NEDD4: variants seen among roughly 807,000 people sequenced by gnomAD.
The protein encoded by NEDD4 is E3 ubiquitin-protein ligase NEDD4.
In NEDD4, 99 loss-of-function variants were observed where a neutral mutation model predicts 144.9. That is an observed-to-expected ratio of 0.68 (90% CI 0.58 to 0.81). The LOEUF (loss-of-function observed/expected upper bound fraction) is 0.81. Among genes scored for constraint, NEDD4 ranks in the 30% least tolerant of loss-of-function variants. NEDD4 has a pLI of 0.00. For missense variants in NEDD4, 985 were observed against 1,065.9 expected, an observed-to-expected ratio of 0.92 and a Z score of 1.06; for synonymous variants, 318 against 350.6, an observed-to-expected ratio of 0.91 and a Z score of 1.04.
chr15:55,903,836 A>C (rs562340083), intron 5 of NEDD4, among the ~76,000 whole-genome samples: 5 of 57,132 alleles, frequency 8.8e-5, no homozygotes, highest in African/African-American at 1.2e-4. Flanking sequence ...AAAAAAAAAA[A>C]AAAACACACA....
intron 5 of NEDD4, among the ~76,000 whole-genome samples, chr15:55,902,281 A>T (rs1358482503): frequency 1.3e-5 from 2 of 152,228 alleles, no homozygotes; most frequent in African/African-American, 2.4e-5. Context: ...GACAGATGCA[A>T]GTCAAAAGAG....
At chr15:55,918,931 G>C (rs7172454) in intron 5 of NEDD4, among the ~76,000 whole-genome samples, 10,096 of 152,152 alleles carry the variant, frequency 0.066, 436 homozygotes, top group Non-Finnish European at 0.099. Context: ...ATAACTCAAA[G>C]AATGAATCCC....
At chr15:55,958,282 G>C (rs1190320924) in intron 2 of NEDD4, among the ~76,000 whole-genome samples, 1 of 152,180 alleles carries the variant, frequency 6.6e-6, no homozygotes, top group East Asian at 1.9e-4. Context: ...CAAGTGAAAT[G>C]ACCATGTGTT....
chr15:55,903,582 T>C (rs1316803765), intron 5 of NEDD4, among the ~76,000 whole-genome samples: 3 of 152,112 alleles, frequency 2.0e-5, no homozygotes, highest in African/African-American at 7.2e-5. Context: ...CCCAGCACTT[T>C]GGGAGGCCGA....
intron 5 of NEDD4, among the ~76,000 whole-genome samples, chr15:55,904,459 C>T (rs1420357779): frequency 5.9e-5 from 9 of 152,074 alleles, no homozygotes; most frequent in South Asian, 2.1e-4. Flanking sequence ...TGCACCAACA[C>T]GCCTGGCTAA....
chr15:55,852,712 TA>T (rs1464775307), intron 12 of NEDD4, among the ~76,000 whole-genome samples, 169 bp from the exon 13 acceptor site: 1 of 127,178 alleles, frequency 7.9e-6, no homozygotes, highest in Non-Finnish European at 1.7e-5. Context: ...TATATATATA[TA>T]TATATATATA....
In NEDD4 at chr15:55,838,535, T is replaced by C. The variant is rs2033319676; in HGVS notation, c.2101A>G (p.Ile701Val). 1 of 1,612,740 alleles carries C rather than the reference T, an allele frequency of 6.2e-7. No individual in the cohort carries two copies. Among genetic ancestry groups the C allele is most frequent in the African/African-American group, 1.3e-5 (1 of 74,918 alleles). ...TGTCCAAAAAGTTCTTCATCTATGA[T>C]AAACCTGAGGTCCAATTCTGTTGGG... ...NDPTELDLRF[I>V]IDEELFGQTH... Residue 701 changes from isoleucine (I) to valine (V), a missense_variant, in exon 22 of 29, where the codon ATC becomes GTC. Transcript: ENST00000435532.
At chr15:55,871,226 T>C (rs1490318516) in intron 7 of NEDD4, among the ~76,000 whole-genome samples, 1 of 152,178 alleles carries the variant, frequency 6.6e-6, no homozygotes, top group Admixed American at 6.6e-5. Flanking sequence ...ATACAGAAAA[T>C]GTGCTCAGAC....
rs1222109438 is a variant in NEDD4, at chr15:55,975,980, T to A, written c.46-9434A>T. Among the ~76,000 whole-genome samples the A allele has an allele frequency of 5.3e-5, 8 of 152,130 alleles. 1 individual carries two copies. Among genetic ancestry groups the A allele is most frequent in the Admixed American group, 5.2e-4 (8 of 15,278 alleles). ...GAGAACCCAGAAGTAAATCTATACA[T>A]CTATAGTGAACTCCTTTTTGACAAA... On this transcript the variant is annotated intron_variant, in intron 1 of 28. Coordinates refer to ENST00000435532, the MANE Select transcript of NEDD4 (RefSeq NM_006154.4).
At chr15:55,955,978 G>A (rs1410027463) in intron 2 of NEDD4, among the ~76,000 whole-genome samples, 1 of 150,568 alleles carries the variant, frequency 6.6e-6, no homozygotes, top group Non-Finnish European at 1.5e-5. Flanking sequence ...ACCACACCTG[G>A]CTAATTTTTC....
chr15:55,903,563 G>A (rs1401319970), intron 5 of NEDD4, among the ~76,000 whole-genome samples: 1 of 152,108 alleles, frequency 6.6e-6, no homozygotes, highest in African/African-American at 2.4e-5. Context: ...GGTGGCTCAC[G>A]CCTGTAATCC....
intron 1 of NEDD4, among the ~76,000 whole-genome samples, chr15:55,976,264 G>A (rs1222408635): frequency 2.0e-5 from 3 of 152,084 alleles, no homozygotes; most frequent in Admixed American, 2.0e-4. Context: ...TATAGCAAAG[G>A]AAACAATCAA....
intron 4 of NEDD4, among the ~76,000 whole-genome samples, chr15:55,950,120 G>A (rs2037211172): frequency 6.6e-6 from 1 of 152,040 alleles, no homozygotes; most frequent in South Asian, 2.1e-4. Context: ...ATCAAGTCTG[G>A]AATTTATTCT....
chr15:55,928,786 C>CCA (rs1407371000), intron 4 of NEDD4, among the ~76,000 whole-genome samples: 31 of 152,208 alleles, frequency 2.0e-4, no homozygotes, highest in South Asian at 4.2e-4. Flanking sequence ...GTTAATTTGG[C>CCA]ATATGTGTGA....
chr15:55,905,357 C>G, intron 5 of NEDD4: 1 of 445,568 alleles, frequency 2.2e-6, no homozygotes, highest in Non-Finnish European at 4.5e-6. Context: ...AAGACACTAA[C>G]AATTGGGGGG....
intron 24 of NEDD4, among the ~76,000 whole-genome samples, chr15:55,836,074 C>T (rs1291351767): frequency 6.6e-6 from 1 of 152,110 alleles, no homozygotes; most frequent in Non-Finnish European, 1.5e-5. Context: ...TGCCAGACTT[C>T]ACACACGCTG....
intron 5 of NEDD4, among the ~76,000 whole-genome samples, chr15:55,923,785 T>G (rs189050033): frequency 9.7e-4 from 148 of 152,090 alleles, no homozygotes; most frequent in African/African-American, 3.5e-3. Context: ...TTACCATTTC[T>G]TGAGGGCAAA....
intron 1 of NEDD4, among the ~76,000 whole-genome samples, chr15:55,985,110 T>C (rs1314274776): frequency 6.6e-6 from 1 of 152,202 alleles, no homozygotes; most frequent in East Asian, 1.9e-4. Context: ...CACAAAAGAA[T>C]CCCATTTTCT....
intron 8 of NEDD4, among the ~76,000 whole-genome samples, chr15:55,864,298 G>A (rs2034509461): frequency 6.6e-6 from 1 of 152,086 alleles, no homozygotes; most frequent in Non-Finnish European, 1.5e-5. Context: ...TCTGTTCTTG[G>A]CTGGGAAGAC....
Sources: gnomAD v4.1 joint callset for allele counts (sites outside exome capture counted in the v4.1 genomes callset) on GRCh38, gnomAD v4.1.1 for gene constraint, MANE v1.5 for transcripts, NCBI Gene and HGNC (gene_info 2026-07-23, HGNC 2026-07-21) for gene names.